Variants in MACROH2A2 observed in about 807,000 individuals in gnomAD.
MACROH2A2 encodes the protein core histone macro-H2A.2.
MACROH2A2 carries 6 observed loss-of-function variants against 37.6 expected under a neutral mutation model. The ratio of observed to expected loss-of-function variants is 0.16; its 90% CI spans 0.09 to 0.32. MACROH2A2 has a LOEUF of 0.32. Among genes scored for constraint, MACROH2A2 ranks in the 10% least tolerant of loss-of-function variants. The probability of loss-of-function intolerance (pLI) is 1.00; values close to 1 mark genes in which losing one functional copy is unlikely to be tolerated. For missense variants in MACROH2A2, 290 were observed against 485.9 expected, an observed-to-expected ratio of 0.60 and a Z score of 3.79; for synonymous variants, 192 against 202.7, an observed-to-expected ratio of 0.95 and a Z score of 0.45.
At chr10:70,070,998 CAT>C (rs1491241683) in intron 1 of MACROH2A2, among the ~76,000 whole-genome samples, 9 of 147,434 alleles carry the variant, frequency 6.1e-5, no homozygotes, top group African/African-American at 1.3e-4. Context: ...TGTGCATGTG[CAT>C]GTGTGTGTGT....
At chr10:70,095,383 A>G (rs1009602018) in intron 5 of MACROH2A2, among the ~76,000 whole-genome samples, 110 of 151,744 alleles carry the variant, frequency 7.2e-4, no homozygotes, top group Middle Eastern at 3.4e-3. Context: ...AAAAAAAAAA[A>G]AGAGAGGGGA....
intron 2 of MACROH2A2, among the ~76,000 whole-genome samples, chr10:70,079,931 T>C (rs898888453): frequency 2.0e-5 from 3 of 151,710 alleles, no homozygotes; most frequent in Non-Finnish European, 4.4e-5. Flanking sequence ...TGCCATGGGG[T>C]GAGAAGTAGA....
chr10:70,110,157 G>A (rs966718699), intron 8 of MACROH2A2, among the ~76,000 whole-genome samples: 3 of 152,154 alleles, frequency 2.0e-5, no homozygotes, highest in Admixed American at 2.0e-4. Context: ...TGGAATACAT[G>A]CGATTGGGAA....
At chr10:70,092,059 G>C in intron 4 of MACROH2A2, 105 bp downstream of exon 4, 1 of 870,036 alleles carries the variant, frequency 1.1e-6, no homozygotes, top group Non-Finnish European at 1.8e-6. Context: ...CAGAGGCATA[G>C]GATTACAAGG....
intron 1 of MACROH2A2, among the ~76,000 whole-genome samples, chr10:70,074,263 TTCTC>T (rs1444035567): frequency 1.3e-5 from 2 of 152,192 alleles, no homozygotes; most frequent in Non-Finnish European, 2.9e-5. Flanking sequence ...CAGTGAATGT[TTCTC>T]TCTTAGTTCC....
Position 70,111,795 on chromosome 10 carries a change from C to A in MACROH2A2, c.*112C>A. The A allele has an allele frequency of 3.4e-6, 3 of 894,190 alleles. No homozygotes were observed. In the South Asian group the frequency reaches 6.4e-5, roughly 19 times the overall value. 55.4% of individuals were successfully genotyped at this position (894,190 alleles called of 1,614,324 possible). A position where few individuals can be genotyped will look rare whatever the true frequency, so the allele number is the denominator to read the frequency against. ...GGCAGGGGAGTGGAGGGTGGCCGGG[C>A]AGGTCCTGCCGGCGCAGGGAGCCCT... On this transcript the variant is annotated 3_prime_UTR_variant, in exon 9 of 9. Transcript: ENST00000373255.
rs1041623904 is a variant in MACROH2A2 at position 70,053,388 on chromosome 10, C to T, written c.-60+388C>T. On this transcript the variant is annotated intron_variant, in intron 1 of 8. Transcript: ENST00000373255. This position sits in a 1 kb window ranked among gnomAD's most constrained non-coding sequence, Gnocchi z 4.8. ...AGTTTCGGGCGCAGGAGCGGGAGGA[C>T]GGAGGCGCCCGGCCGCCGATGGGCA... Among the ~76,000 whole-genome samples the T allele has an allele frequency of 1.3e-5, 2 of 149,946 alleles. No individual in the cohort carries two copies. Among genetic ancestry groups the T allele is most frequent in the Non-Finnish European group, 3.0e-5 (2 of 67,292 alleles).
intron 1 of MACROH2A2, among the ~76,000 whole-genome samples, chr10:70,066,572 A>G (rs2072080182): frequency 1.3e-5 from 2 of 152,190 alleles, no homozygotes; most frequent in Admixed American, 6.5e-5. Flanking sequence ...GTTCTCTGGG[A>G]AAAACAGGGT....
At position 70,107,044 on chromosome 10, in the gene MACROH2A2, G is replaced by C. The variant is rs897815895; in HGVS notation, c.779-1989G>C. On this transcript the variant is annotated intron_variant, in intron 7 of 8. Coordinates refer to ENST00000373255, the MANE Select transcript of MACROH2A2 (RefSeq NM_018649.3). The surrounding 1 kb of genome is among the most constrained non-coding windows in gnomAD (Gnocchi z 4.4). ...TAGGGGCATCATTGTTCAGTCCAAA[G>C]AGGGACACTCTGCTTCTGGTGCACA... Among the ~76,000 whole-genome samples, 4 of 152,146 alleles carry C rather than the reference G, an allele frequency of 2.6e-5. No homozygotes were observed. Among genetic ancestry groups the C allele is most frequent in the Non-Finnish European group, 1.5e-5 (1 of 68,034 alleles).
chr10:70,102,722 AAAAAGAAAAAAGAAG>A (rs1170030710), intron 7 of MACROH2A2, among the ~76,000 whole-genome samples: 1 of 151,910 alleles, frequency 6.6e-6, no homozygotes, highest in African/African-American at 2.4e-5. Flanking sequence ...GTCTCAAAAA[AAAAAGAAAAAAGAAG>A]AAAAGAAAAA....
At chr10:70,097,014 T>C (rs1042426118) in intron 6 of MACROH2A2, among the ~76,000 whole-genome samples, 1 of 152,222 alleles carries the variant, frequency 6.6e-6, no homozygotes, top group African/African-American at 2.4e-5. Context: ...CACATTTCTA[T>C]AGTAATGAAA....
At position 70,109,153 on chromosome 10, in the gene MACROH2A2, C is replaced by T. The variant is rs779201078; in HGVS notation, c.899C>T (p.Ala300Val). 17 of 1,613,986 alleles carry T rather than the reference C, an allele frequency of 1.1e-5. No individual in the cohort carries two copies. Among genetic ancestry groups the T allele is most frequent in the East Asian group, 6.7e-5 (3 of 44,896 alleles). Residue 300 changes from alanine (A) to valine (V), a missense_variant, in exon 8 of 9, where the codon GCG becomes GTG. Transcript: ENST00000373255. ...GAGACCATCAAAAACTGCCTGTCAGCGGCGGAGGACAAGAAGCTAAAGTCC... is the reference window on the plus strand; with the variant it reads ...GAGACCATCAAAAACTGCCTGTCAGTGGCGGAGGACAAGAAGCTAAAGTCC... Reference protein sequence around the residue: ...LEETIKNCLSAAEDKKLKSVA... With the variant: ...LEETIKNCLSVAEDKKLKSVA...
At chr10:70,095,378 A>G (rs1421419495) in intron 5 of MACROH2A2, among the ~76,000 whole-genome samples, 2 of 151,902 alleles carry the variant, frequency 1.3e-5, no homozygotes, top group Admixed American at 1.3e-4. Context: ...AAAAAAAAAA[A>G]AAAAAAGAGA....
intron 3 of MACROH2A2, among the ~76,000 whole-genome samples, chr10:70,091,126 A>G (rs1319905646): frequency 6.6e-6 from 1 of 152,168 alleles, no homozygotes; most frequent in Non-Finnish European, 1.5e-5. Context: ...TCATTTTCTC[A>G]AGCTGCGCTC....
intron 2 of MACROH2A2, among the ~76,000 whole-genome samples, chr10:70,077,287 G>A (rs557768328): frequency 4.6e-5 from 7 of 152,212 alleles, no homozygotes; most frequent in East Asian, 1.9e-4. Flanking sequence ...GCAAGTTCCC[G>A]CCAGGCACAG....
At chr10:70,059,593 ACTC>A (rs1355105051) in intron 1 of MACROH2A2, among the ~76,000 whole-genome samples, 2 of 151,762 alleles carry the variant, frequency 1.3e-5, no homozygotes, top group African/African-American at 4.8e-5. Flanking sequence ...CTGGTCTCGA[ACTC>A]CTGACCTCAA....
At chr10:70,068,477 A>G (rs981637973) in intron 1 of MACROH2A2, among the ~76,000 whole-genome samples, 3 of 152,234 alleles carry the variant, frequency 2.0e-5, no homozygotes, top group Non-Finnish European at 4.4e-5. Context: ...AATAACCACA[A>G]TGAATTACAA....
intron 1 of MACROH2A2, among the ~76,000 whole-genome samples, chr10:70,066,840 G>A (rs1041842285): frequency 6.6e-6 from 1 of 152,174 alleles, no homozygotes; most frequent in Non-Finnish European, 1.5e-5. Flanking sequence ...AGCTGAGACT[G>A]CTCCAGGTGA....
chr10:70,089,411 G>A (rs1021023239), intron 2 of MACROH2A2, among the ~76,000 whole-genome samples: 6 of 152,126 alleles, frequency 3.9e-5, no homozygotes, highest in African/African-American at 1.4e-4. Flanking sequence ...AAAGATGGCT[G>A]CCCAAATTCC....
Sources: gnomAD v4.1 joint callset for allele counts (sites outside exome capture counted in the v4.1 genomes callset) on GRCh38, gnomAD v4.1.1 for gene constraint, Gnocchi (gnomAD v3.1) non-coding constraint, MANE v1.5 for transcripts, NCBI Gene and HGNC (gene_info 2026-07-23, HGNC 2026-07-21) for gene names.